The following MDGA2 variants were observed in gnomAD, a reference collection of about 807,000 sequenced individuals.
MDGA2 encodes the protein MAM domain containing glycosylphosphatidylinositol anchor 2, also known as MAM domain-containing glycosylphosphatidylinositol anchor protein 2.
MDGA2 carries 40 observed loss-of-function variants against 117.8 expected under a neutral mutation model. The ratio of observed to expected loss-of-function variants is 0.34; its 90% CI spans 0.26 to 0.44. The LOEUF is 0.44. Among genes scored for constraint, MDGA2 ranks in the 20% least tolerant of loss-of-function variants. MDGA2 has a pLI of 1.00. For missense variants in MDGA2, 1,123 were observed against 1,250.6 expected, an observed-to-expected ratio of 0.90 and a Z score of 1.54; for synonymous variants, 452 against 439.0, an observed-to-expected ratio of 1.03 and a Z score of -0.37.
intron 9 of MDGA2, among the ~76,000 whole-genome samples, chr14:46,938,190 TG>T (rs1334610490): frequency 6.6e-6 from 1 of 151,976 alleles, no homozygotes; most frequent in Non-Finnish European, 1.5e-5. Flanking sequence ...AAAAAATATT[TG>T]AAAAAATGCT....
chr14:47,347,861 T>A (rs913542998), intron 1 of MDGA2, among the ~76,000 whole-genome samples: 1 of 152,072 alleles, frequency 6.6e-6, no homozygotes, highest in African/African-American at 2.4e-5. Context: ...TATTGGTATA[T>A]AATGGGAAAA....
At chr14:47,421,683 T>A (rs1167578119) in intron 1 of MDGA2, among the ~76,000 whole-genome samples, 1 of 152,122 alleles carries the variant, frequency 6.6e-6, no homozygotes, top group Non-Finnish European at 1.5e-5. Flanking sequence ...ATACAACCGA[T>A]GCATGTGAGG....
chr14:47,654,840 G>A (rs1897713663), intron 1 of MDGA2, among the ~76,000 whole-genome samples: 1 of 152,074 alleles, frequency 6.6e-6, no homozygotes, highest in Non-Finnish European at 1.5e-5. Context: ...ATAAGTACTG[G>A]CAGAAGTTAG....
chr14:47,635,557 G>C lies in MDGA2; in HGVS notation c.280+38960C>G, dbSNP rs529023457. Among the ~76,000 whole-genome samples, 41 of 152,250 alleles carry C rather than the reference G, an allele frequency of 2.7e-4. 1 individual carries two copies. The highest frequency in any genetic ancestry group is 9.1e-4 in the African/African-American group (38 of 41,568). ...AACTTCAACAGGCTGAATGCCATGA[G>C]TTGTCATCATCCCTTACATATTAAA... On this transcript the variant is annotated intron_variant, in intron 1 of 16. Coordinates refer to ENST00000399232, the MANE Select transcript of MDGA2 (RefSeq NM_001113498.3).
intron 6 of MDGA2, among the ~76,000 whole-genome samples, chr14:47,079,466 T>C (rs531453260): frequency 3.9e-5 from 6 of 152,228 alleles, no homozygotes; most frequent in African/African-American, 1.2e-4. Context: ...GGGTACAAGC[T>C]AGAATGAAAT....
chr14:47,054,078 TTA>T (rs1176995420), intron 7 of MDGA2, among the ~76,000 whole-genome samples: 15 of 151,958 alleles, frequency 9.9e-5, no homozygotes, highest in Non-Finnish European at 1.6e-4. Context: ...AACTGCCCTT[TTA>T]TGAGAGAGAT....
intron 3 of MDGA2, among the ~76,000 whole-genome samples, chr14:47,156,248 G>T (rs1467501481): frequency 6.6e-6 from 1 of 151,736 alleles, no homozygotes; most frequent in Non-Finnish European, 1.5e-5. Flanking sequence ...TTTTTCAGAA[G>T]GTTTTCATTT....
intron 2 of MDGA2, among the ~76,000 whole-genome samples, chr14:47,284,521 G>A (rs1229728851): frequency 2.0e-5 from 3 of 152,072 alleles, no homozygotes; most frequent in South Asian, 2.1e-4. Context: ...TACCCCAGCC[G>A]AAAGTTTTTG....
intron 2 of MDGA2, among the ~76,000 whole-genome samples, chr14:47,277,834 A>C (rs1279867702): frequency 1.3e-5 from 2 of 152,176 alleles, no homozygotes; most frequent in Admixed American, 6.5e-5. Context: ...ACTTACTGAC[A>C]ATTGCCCAAC....
At chr14:47,244,186 C>G (rs1173168633) in intron 2 of MDGA2, among the ~76,000 whole-genome samples, 1 of 151,654 alleles carries the variant, frequency 6.6e-6, no homozygotes, top group Non-Finnish European at 1.5e-5. Context: ...TAAAAACTAC[C>G]TGCAGAACTG....
chr14:46,920,552 T>C (rs527273826), intron 9 of MDGA2, among the ~76,000 whole-genome samples: 1 of 152,330 alleles, frequency 6.6e-6, no homozygotes, highest in South Asian at 2.1e-4. Flanking sequence ...AGACTGGAGA[T>C]ATAATCTTGC....
At chr14:47,078,234 T>TG (rs1204690033) in intron 6 of MDGA2, among the ~76,000 whole-genome samples, 1 of 152,158 alleles carries the variant, frequency 6.6e-6, no homozygotes, top group Non-Finnish European at 1.5e-5. Flanking sequence ...CTAAAGATTC[T>TG]GATTCATCCT....
At chr14:47,202,813 T>C (rs962535690) in intron 3 of MDGA2, among the ~76,000 whole-genome samples, 9 of 149,428 alleles carry the variant, frequency 6.0e-5, no homozygotes, top group Admixed American at 4.6e-4. Flanking sequence ...AATGGTGCTC[T>C]AATGACCTTA....
At chr14:47,521,324 C>CA (rs1391182194) in intron 1 of MDGA2, among the ~76,000 whole-genome samples, 1 of 152,176 alleles carries the variant, frequency 6.6e-6, no homozygotes, top group Non-Finnish European at 1.5e-5. Flanking sequence ...CCTGACTCAT[C>CA]ATTCATGCAT....
At chr14:47,144,335 G>T (rs1031958130) in intron 3 of MDGA2, 61 bp from the exon 4 acceptor site, 1 of 1,350,304 alleles carries the variant, frequency 7.4e-7, no homozygotes, top group Non-Finnish European at 1.0e-6. Flanking sequence ...TTAAAGTATT[G>T]TGCTTATATA....
In MDGA2 at chr14:46,841,829, T is replaced by C; in HGVS notation, c.*102A>G. The C allele has an allele frequency of 1.3e-6, 1 of 776,178 alleles. No homozygotes were observed. The highest frequency in any genetic ancestry group is 2.1e-6 in the Non-Finnish European group (1 of 482,336). The allele number at this position is 776,178 out of a possible 1,614,324, so 48.1% of individuals were successfully genotyped here. On this transcript the variant is annotated 3_prime_UTR_variant, in exon 17 of 17. Transcript: ENST00000399232. Reference sequence around the variant, plus strand: ...ATTTTATTTTTGAGTCAGTAGTCAGTGGAGGAATCTTTGGTAGTTTGTTTG... The same window carrying C: ...ATTTTATTTTTGAGTCAGTAGTCAGCGGAGGAATCTTTGGTAGTTTGTTTG...
intron 1 of MDGA2, among the ~76,000 whole-genome samples, chr14:47,440,132 T>G (rs1892976609): frequency 6.6e-6 from 1 of 151,964 alleles, no homozygotes; most frequent in Non-Finnish European, 1.5e-5. Flanking sequence ...CCCCATCACA[T>G]GTGTCGGCTC....
rs1477357010 is a variant in MDGA2, at chr14:47,609,428, C to CACATATATATATATATATAT, written c.280+65088_280+65089insATATATATATATATATATGT. On this transcript the variant is annotated intron_variant, in intron 1 of 16. Transcript: ENST00000399232. ...TTTCTATGGCTGAGTAGTATTCCAT[C>CACATATATATATATATATAT]ATATATATATATATATATATATATA... is the stretch of plus-strand genomic sequence containing the variant. 5.3e-3 allele frequency among the ~76,000 whole-genome samples: 93 copies of CACATATATATATATATATAT among 17,564 alleles called. 5 individuals carry two copies. The highest frequency in any genetic ancestry group is 0.056 in the Middle Eastern group (2 of 36). 11.5% of individuals were successfully genotyped at this position (17,564 alleles called of 152,430 possible). A position where few individuals can be genotyped will look rare whatever the true frequency, so the allele number is the denominator to read the frequency against.
intron 1 of MDGA2, among the ~76,000 whole-genome samples, chr14:47,647,733 T>C (rs1430340243): frequency 6.6e-6 from 1 of 151,548 alleles, no homozygotes; most frequent in Non-Finnish European, 1.5e-5. Context: ...GTCCAAAATA[T>C]ATGTGTTTTA....
Sources: gnomAD v4.1 joint callset for allele counts (sites outside exome capture counted in the v4.1 genomes callset) on GRCh38, gnomAD v4.1.1 for gene constraint, MANE v1.5 for transcripts, NCBI Gene and HGNC (gene_info 2026-07-23, HGNC 2026-07-21) for gene names.